The following CUL9 variants were observed in gnomAD, a reference collection of about 807,000 sequenced individuals.
The protein encoded by CUL9 is cullin-9.
In CUL9, 79 loss-of-function variants were observed where a neutral mutation model predicts 272.6. The ratio of observed to expected loss-of-function variants is 0.29; its 90% CI spans 0.24 to 0.35. CUL9 has a LOEUF of 0.35. Among genes scored for constraint, CUL9 ranks in the 10% least tolerant of loss-of-function variants. The pLI is 1.00. For synonymous variants in CUL9, 1,186 were observed against 1,286.5 expected, an observed-to-expected ratio of 0.92 and a Z score of 1.67; for missense variants, 2,532 against 3,255.6, an observed-to-expected ratio of 0.78 and a Z score of 5.41.
Position 43,220,758 on chromosome 6 carries a change from G to A in CUL9, c.6435G>A (p.Ala2145=), listed in dbSNP as rs143347950. ...SPEVISKYEK[A]LLRGYVESCS... is the part of the protein sequence containing the mutation. The stretch of plus-strand genomic sequence containing the variant: ...CTGCGTCTCCACAGTATGAGAAGGC[G>A]CTCCTGCGTGGCTATGTGGAGAGCT... The change falls in exon 33 of 41, where the codon GCG becomes GCA. Residue 2145 remains alanine, a synonymous_variant. Coordinates refer to ENST00000252050, the MANE Select transcript of CUL9 (RefSeq NM_015089.4). The surrounding 1 kb of genome is among the most constrained non-coding windows in gnomAD (Gnocchi z 4.9). 4.0e-3 allele frequency: 6,473 copies of A among 1,612,618 alleles called. 19 individuals are homozygous for A. The highest frequency in any genetic ancestry group is 4.3e-3 in the Non-Finnish European group (5,112 of 1,179,882).
Position 43,213,083 on chromosome 6 carries a change from C to T in CUL9, c.5213-66C>T. 2 of 1,570,044 alleles carry T rather than the reference C, an allele frequency of 1.3e-6. No homozygotes were observed. Among genetic ancestry groups the T allele is most frequent in the African/African-American group, 1.3e-5 (1 of 74,228 alleles). On this transcript the variant is annotated intron_variant, in intron 26 of 40. Coordinates refer to ENST00000252050, the MANE Select transcript of CUL9 (RefSeq NM_015089.4). This position sits in a 1 kb window ranked among gnomAD's most constrained non-coding sequence, Gnocchi z 5.7. ...GACTAGTAGGAGCAAAGCTTGACAC[C>T]TCAACCCCTAAACCCCTTGTTTCGC... is the stretch of plus-strand genomic sequence containing the variant.
chr6:43,204,383 G>T lies in CUL9; in HGVS notation c.4183G>T (p.Gly1395Ter). The change falls in exon 21 of 41, where the codon GGA becomes TGA. Residue 1395 changes from glycine (G) to a stop codon, truncating the protein, a stop_gained. Coordinates refer to ENST00000252050, the MANE Select transcript of CUL9 (RefSeq NM_015089.4). LOFTEE classifies it high-confidence loss of function. Reference protein sequence around the residue: ...SPDAEGVSALGWLLDQYLEQR... With the variant: ...SPDAEGVSAL ...AGATGCGGAAGGCGTGAGTGCCCTG[G>T]GATGGCTGCTGGATCAGTACTTAGA... is the stretch of plus-strand genomic sequence containing the variant. 6.2e-7 allele frequency: 1 copy of T among 1,614,038 alleles called. No individual in the cohort carries two copies. Among genetic ancestry groups the T allele is most frequent in the South Asian group, 1.1e-5 (1 of 91,066 alleles).
rs375726472 is a variant in CUL9 at position 43,203,377 on chromosome 6, C to T, written c.3850-40C>T. ...TTGGCTTTGGTAGTACTTAGTGGCT[C>T]AAGCGGCTTGGGTGACAGATAAGTC... is the stretch of plus-strand genomic sequence containing the variant. On this transcript the variant is annotated intron_variant, in intron 18 of 40. Coordinates refer to ENST00000252050, the MANE Select transcript of CUL9 (RefSeq NM_015089.4). This position sits in a 1 kb window ranked among gnomAD's most constrained non-coding sequence, Gnocchi z 5.0. 2.3e-4 allele frequency: 365 copies of T among 1,610,398 alleles called. No homozygotes were observed. Among genetic ancestry groups the T allele is most frequent in the Non-Finnish European group, 2.9e-4 (341 of 1,178,142 alleles).
At chr6:43,196,936 G>A in intron 11 of CUL9, 74 bp downstream of exon 11, 1 of 1,252,558 alleles carries the variant, frequency 8.0e-7, no homozygotes. Context: ...GCTCCTTACT[G>A]GAAAGATACA....
At position 43,196,126 on chromosome 6, in the gene CUL9, C is replaced by G. The variant is rs760496704; in HGVS notation, c.2446C>G (p.Arg816Gly). ...SSEIPTFVTG[R>G]DSIHSLFDAQ... is the part of the protein sequence containing the mutation. ...GGAGATCCCCACTTTTGTTACTGGC[C>G]GAGATTCTATCCACTCTTTGTTTGA... The change falls in exon 10 of 41, where the codon CGA becomes GGA. Residue 816 changes from arginine (R) to glycine (G), a missense_variant. Arg to Gly is a moderately radical substitution (Grantham distance 125, BLOSUM62 -2). Coordinates refer to ENST00000252050, the MANE Select transcript of CUL9 (RefSeq NM_015089.4). The G allele has an allele frequency of 4.3e-6, 7 of 1,614,084 alleles. No individual in the cohort carries two copies. The highest frequency in any genetic ancestry group is 5.9e-6 in the Non-Finnish European group (7 of 1,180,002).
At chr6:43,188,355 TC>T in intron 7 of CUL9, 167 bp from the exon 8 acceptor site, 1 of 813,158 alleles carries the variant, frequency 1.2e-6, no homozygotes. Flanking sequence ...TGTCTTCATC[TC>T]CTTTGTTTGA....
Position 43,205,053 on chromosome 6 carries a change from C to G in CUL9, c.4570C>G (p.Leu1524Val), listed in dbSNP as rs776200084. Reference sequence around the variant, plus strand: ...GTTTGGGCCTCGGGCAGCCTTCATGCTGGCTCTGCGCAGTGGCTTCTCTGG... The same window carrying G: ...GTTTGGGCCTCGGGCAGCCTTCATGGTGGCTCTGCGCAGTGGCTTCTCTGG... ...ELFGPRAAFM[L>V]ALRSGFSGAL... Residue 1524 changes from leucine to valine, a missense_variant, in exon 23 of 41, where the codon CTG (leucine) becomes GTG (valine). Around this residue, in one of 3 missense-constraint regions of CUL9, gnomAD observed 2,218 missense variants for 2,788.6 expected, o/e 0.80. Coordinates refer to ENST00000252050, the MANE Select transcript of CUL9 (RefSeq NM_015089.4). 10 of 1,611,886 alleles carry G rather than the reference C, an allele frequency of 6.2e-6. No individual in the cohort carries two copies. The East Asian group carries it at 2.2e-4, about 36-fold the overall frequency.
Position 43,216,158 on chromosome 6 carries a change from C to T in CUL9, c.5937C>T (p.Ser1979=), listed in dbSNP as rs1379592444. The change falls in exon 31 of 41, where the codon AGC becomes AGT. Residue 1979 remains serine (S), a splice_region_variant and synonymous_variant. Coordinates refer to ENST00000252050, the MANE Select transcript of CUL9 (RefSeq NM_015089.4). The stretch of plus-strand genomic sequence containing the variant: ...CTTCTGTCTCTTCCCTCCCCACAAG[C>T]CCAGAAGCTGTGGCTACCCTGGCAT... The part of the protein sequence containing the change: ...CGSQSETSKP[S]PEAVATLASL... The T allele has an allele frequency of 1.9e-6, 3 of 1,600,976 alleles. No individual in the cohort carries two copies. Among genetic ancestry groups the T allele is most frequent in the Admixed American group, 1.7e-5 (1 of 59,744 alleles).
Position 43,220,633 on chromosome 6 carries a change from A to G in CUL9, c.6423+34A>G. ...TCTCGTCTGAGAGAGGCTCCAGTGCAGAGCCAAAGGAGTGTGCCCCAGGGA... is the reference window on the plus strand; with the variant it reads ...TCTCGTCTGAGAGAGGCTCCAGTGCGGAGCCAAAGGAGTGTGCCCCAGGGA... On this transcript the variant is annotated intron_variant, in intron 32 of 40. Transcript: ENST00000252050. The surrounding 1 kb of genome is among the most constrained non-coding windows in gnomAD (Gnocchi z 4.9). 1 of 1,612,556 alleles carries G rather than the reference A, an allele frequency of 6.2e-7. No individual in the cohort carries two copies. Among genetic ancestry groups the G allele is most frequent in the Non-Finnish European group, 8.5e-7 (1 of 1,179,152 alleles).
In CUL9 at chr6:43,218,465, C is replaced by T. The variant is rs1022435659; in HGVS notation, c.6282+1962C>T. On this transcript the variant is annotated intron_variant, in intron 31 of 40. Transcript: ENST00000252050. The surrounding 1 kb of genome is among the most constrained non-coding windows in gnomAD (Gnocchi z 4.4). The stretch of plus-strand genomic sequence containing the variant: ...TCTCCTGACCTCGTGATCCACCCAC[C>T]TCAGCCTCCCAAAGTGCTGGAATTA... Among the ~76,000 whole-genome samples, 12 of 152,156 alleles carry T rather than the reference C, an allele frequency of 7.9e-5. No homozygotes were observed. The highest frequency in any genetic ancestry group is 2.9e-4 in the African/African-American group (12 of 41,446).
At chr6:43,201,788 G>T (rs974288528) in intron 16 of CUL9, among the ~76,000 whole-genome samples, 1 of 152,230 alleles carries the variant, frequency 6.6e-6, no homozygotes, top group South Asian at 2.1e-4. Flanking sequence ...CGAAAGCTGT[G>T]TATGTCTAAG....
chr6:43,200,407 C>T lies in CUL9; in HGVS notation c.3385-29C>T, dbSNP rs779845612. On this transcript the variant is annotated intron_variant, in intron 14 of 40. Transcript: ENST00000252050. The surrounding 1 kb of genome is among the most constrained non-coding windows in gnomAD (Gnocchi z 4.0). ...TCTCTGTGTTCCTCCCTCTCCTCTT[C>T]CTCATTCTCCCTGATGTTCCGGCTG... The T allele has an allele frequency of 1.2e-6, 2 of 1,614,108 alleles. No homozygotes were observed. Among genetic ancestry groups the T allele is most frequent in the Non-Finnish European group, 1.7e-6 (2 of 1,180,024 alleles).
rs773044864 is a variant in CUL9 at position 43,199,394 on chromosome 6, AAG to A, written c.3156+28_3156+29del. ...GAGGTACCAGAACCCTGGCAAGGAG[AAG>A]AGAGGGAAGGGCAGCATCTGGGGCA... On this transcript the variant is annotated intron_variant, in intron 13 of 40. Transcript: ENST00000252050. The surrounding 1 kb of genome is among the most constrained non-coding windows in gnomAD (Gnocchi z 4.4). The A allele has an allele frequency of 1.4e-4, 224 of 1,582,134 alleles. 1 individual carries two copies. The highest frequency in any genetic ancestry group is 6.7e-4 in the Middle Eastern group (4 of 5,948).
chr6:43,206,619 C>G lies in CUL9; in HGVS notation c.5212+109C>G. 1.0e-6 allele frequency: 1 copy of G among 956,172 alleles called. No individual in the cohort carries two copies. Among genetic ancestry groups the G allele is most frequent in the East Asian group, 2.5e-5 (1 of 40,484 alleles). The allele number at this position is 956,172 out of a possible 1,614,324, so 59.2% of individuals were successfully genotyped here. A position where few individuals can be genotyped will look rare whatever the true frequency, so the allele number is the denominator to read the frequency against. ...ATATAGATGTGAAGAAAAATATCAG[C>G]TCCTAGCGAGGGATGAGAAAGCATG... On this transcript the variant is annotated intron_variant, in intron 26 of 40. Coordinates refer to ENST00000252050, the MANE Select transcript of CUL9 (RefSeq NM_015089.4). This position sits in a 1 kb window ranked among gnomAD's most constrained non-coding sequence, Gnocchi z 4.8.
In CUL9 at chr6:43,189,265, C is replaced by T. The variant is rs538302554; in HGVS notation, c.2180+550C>T. Among the ~76,000 whole-genome samples, 85 of 152,140 alleles carry T rather than the reference C, an allele frequency of 5.6e-4. 1 individual carries two copies. The highest frequency in any genetic ancestry group is 4.3e-3 in the Admixed American group (66 of 15,276). On this transcript the variant is annotated intron_variant, in intron 8 of 40. Coordinates refer to ENST00000252050, the MANE Select transcript of CUL9 (RefSeq NM_015089.4). ...AGTGCAGTGGCGCGATCTCGGCTCA[C>T]TGCAACCTCTGCCTCCCGGGTTCAA... is the stretch of plus-strand genomic sequence containing the variant.
At chr6:43,202,980 C>A in intron 17 of CUL9, 129 bp from the exon 18 acceptor site, 1 of 1,195,842 alleles carries the variant, frequency 8.4e-7, no homozygotes, top group Non-Finnish European at 1.2e-6. Flanking sequence ...TGCAGAGCCA[C>A]GTCCATCCCT....
Position 43,204,484 on chromosome 6 carries a change from G to A in CUL9, c.4284G>A (p.Leu1428=). 6.2e-7 allele frequency: 1 copy of A among 1,614,156 alleles called. No homozygotes were observed. Among genetic ancestry groups the A allele is most frequent in the Non-Finnish European group, 8.5e-7 (1 of 1,180,038 alleles). ...CTCGAGTTCGTCGCCTTTGCCACTT[G>A]CTGGTGCATGTGGAACCTCCTCCTG... ...FASRVRRLCH[L]LVHVEPPPGP... The change falls in exon 21 of 41, where the codon TTG becomes TTA. Residue 1428 remains leucine, a synonymous_variant. Coordinates refer to ENST00000252050, the MANE Select transcript of CUL9 (RefSeq NM_015089.4).
rs1438875964 is a variant in CUL9 at position 43,203,601 on chromosome 6, G to A, written c.4025+9G>A. 2 of 1,611,216 alleles carry A rather than the reference G, an allele frequency of 1.2e-6. No individual in the cohort carries two copies. The highest frequency in any genetic ancestry group is 1.7e-6 in the Non-Finnish European group (2 of 1,179,066). On this transcript the variant is annotated intron_variant, in intron 19 of 40. Coordinates refer to ENST00000252050, the MANE Select transcript of CUL9 (RefSeq NM_015089.4). This position sits in a 1 kb window ranked among gnomAD's most constrained non-coding sequence, Gnocchi z 5.0. ...CTCCAGCTCTGTCCCAGGTGGGTGG[G>A]GCCTGAGGAGGGAAGATGGGTAAGG...
intron 26 of CUL9, chr6:43,212,929 G>T (rs955389581): frequency 3.8e-6 from 2 of 532,560 alleles, no homozygotes; most frequent in Non-Finnish European, 3.3e-6. Context: ...AGGGCTAGGC[G>T]CTGGGTCTAG....
Sources: allele counts gnomAD v4.1 joint callset (sites outside exome capture counted in the v4.1 genomes callset), GRCh38; gene constraint gnomAD v4.1.1; regional missense constraint gnomAD v4.1.1; non-coding constraint Gnocchi (gnomAD v3.1); transcripts MANE v1.5; gene names NCBI Gene and HGNC (gene_info 2026-07-23, HGNC 2026-07-21).